PALLD: variants seen among roughly 807,000 people sequenced by gnomAD.
PALLD encodes palladin, cytoskeletal associated protein.
Under a neutral mutation model 123.5 loss-of-function variants are expected in PALLD, and 61 were observed. That is an observed-to-expected ratio of 0.49 (90% CI 0.40 to 0.61). PALLD has a LOEUF of 0.61. PALLD is among the 20% of genes least tolerant of loss of function. PALLD has a pLI of 0.00. For missense variants in PALLD, 1,273 were observed against 1,377.0 expected, an observed-to-expected ratio of 0.92 and a Z score of 1.20; for synonymous variants, 465 against 496.4, an observed-to-expected ratio of 0.94 and a Z score of 0.84.
intron 10 of PALLD, among the ~76,000 whole-genome samples, chr4:168,870,980 T>C (rs1356053482): frequency 6.6e-6 from 1 of 152,226 alleles, no homozygotes; most frequent in Non-Finnish European, 1.5e-5. Flanking sequence ...CAGATATTTA[T>C]TGAGTGGCTT....
At position 168,682,528 on chromosome 4, in the gene PALLD, A is replaced by G. The variant is rs111643592; in HGVS notation, c.1155-470A>G. 1.4e-4 allele frequency among the ~76,000 whole-genome samples: 21 copies of G among 152,344 alleles called. 2 individuals are homozygous for G. The highest frequency in any genetic ancestry group is 4.8e-4 in the African/African-American group (20 of 41,574). On this transcript the variant is annotated intron_variant, in intron 4 of 21. Coordinates refer to ENST00000505667, the MANE Select transcript of PALLD (RefSeq NM_001166108.2). ...AACACAAAAATTCCAAGATACCGAC[A>G]ACAAAATTAGAAACCAGAAAAAAGA...
intron 10 of PALLD, chr4:168,832,249 G>A: frequency 5.3e-6 from 5 of 951,442 alleles, no homozygotes; most frequent in Non-Finnish European, 6.3e-6. Context: ...AGGGTGGGCC[G>A]CGAGTCGGGA....
intron 10 of PALLD, among the ~76,000 whole-genome samples, chr4:168,839,422 A>G (rs570524898): frequency 2.0e-5 from 3 of 152,252 alleles, no homozygotes; most frequent in South Asian, 2.1e-4. Flanking sequence ...TAGGTAGTCA[A>G]TGGGAAACGG....
Position 168,878,240 on chromosome 4 carries a change from C to T in PALLD, c.1965-12682C>T, listed in dbSNP as rs1238999985. 5 of 1,521,972 alleles carry T rather than the reference C, an allele frequency of 3.3e-6. No homozygotes were observed. The highest frequency in any genetic ancestry group is 2.6e-6 in the Non-Finnish European group (3 of 1,142,116). The allele number at this position is 1,521,972 out of a possible 1,614,324, so 94.3% of individuals were successfully genotyped here. A position where few individuals can be genotyped will look rare whatever the true frequency, so the allele number is the denominator to read the frequency against. ...CCCACTGCCGCCGCCACCACCGCCG[C>T]TCCCGAGCCCGGGACAGGCGTCCCA... is the stretch of plus-strand genomic sequence containing the variant. On this transcript the variant is annotated intron_variant, in intron 10 of 21. Transcript: ENST00000505667.
At chr4:168,842,358 A>G (rs1312811193) in intron 10 of PALLD, among the ~76,000 whole-genome samples, 1 of 152,268 alleles carries the variant, frequency 6.6e-6, no homozygotes, top group Admixed American at 6.5e-5. Context: ...CTGACTGAAC[A>G]TATGGATCAT....
intron 6 of PALLD, among the ~76,000 whole-genome samples, 174 bp downstream of exon 6, chr4:168,685,733 A>G (rs1377242714): frequency 6.7e-6 from 1 of 148,890 alleles, no homozygotes; most frequent in African/African-American, 2.5e-5. Context: ...TGTGACTGTA[A>G]TCTTGTGATG....
chr4:168,719,252 C>CTT (rs869040811), intron 10 of PALLD, among the ~76,000 whole-genome samples: 29,155 of 85,430 alleles, frequency 0.34, 5,485 homozygotes, highest in Non-Finnish European at 0.41. Flanking sequence ...AAGTAATCTT[C>CTT]TTTTTTTTTT....
At chr4:168,822,740 A>C (rs946135795) in intron 10 of PALLD, among the ~76,000 whole-genome samples, 4 of 152,252 alleles carry the variant, frequency 2.6e-5, no homozygotes, top group Non-Finnish European at 5.9e-5. Flanking sequence ...AAATGTCCAG[A>C]TGAATGAACA....
At chr4:168,811,865 G>A (rs553116375) in intron 10 of PALLD, among the ~76,000 whole-genome samples, 1 of 151,842 alleles carries the variant, frequency 6.6e-6, no homozygotes, top group East Asian at 1.9e-4. Context: ...CTTCTGTTCA[G>A]CGTTGGATAT....
chr4:168,530,185 AT>A (rs1349189860), intron 2 of PALLD, among the ~76,000 whole-genome samples: 1 of 152,250 alleles, frequency 6.6e-6, no homozygotes, highest in Non-Finnish European at 1.5e-5. Flanking sequence ...ATAAAGGAAG[AT>A]AGTTAAGATC....
chr4:168,549,748 C>T (rs2037052149), intron 2 of PALLD, among the ~76,000 whole-genome samples: 1 of 150,802 alleles, frequency 6.6e-6, no homozygotes, highest in African/African-American at 2.4e-5. Context: ...ATTAGACATT[C>T]ATGGGCAATA....
At chr4:168,685,730 G>A (rs10021155) in intron 6 of PALLD, among the ~76,000 whole-genome samples, 171 bp downstream of exon 6, 4,467 of 140,506 alleles carry the variant, frequency 0.032, 218 homozygotes, top group African/African-American at 0.11. Flanking sequence ...CCGTGTGACT[G>A]TAATCTTGTG....
rs1475146068 is a variant in PALLD, at chr4:168,832,346, C to T, written c.1965-58576C>T. Among the ~76,000 whole-genome samples, 6 of 152,006 alleles carry T rather than the reference C, an allele frequency of 3.9e-5. No homozygotes were observed. In the East Asian group the frequency reaches 1.2e-3, roughly 29 times the overall value. On this transcript the variant is annotated intron_variant, in intron 10 of 21. Transcript: ENST00000505667. The stretch of plus-strand genomic sequence containing the variant: ...CCCGGCCGGTTCCTTCCCGAGCCCT[C>T]TCCCTCCCCCGGCCCGCGGGAGCAC...
intron 10 of PALLD, among the ~76,000 whole-genome samples, chr4:168,819,907 C>T (rs990557596): frequency 1.6e-4 from 24 of 152,188 alleles, no homozygotes; most frequent in African/African-American, 5.3e-4. Flanking sequence ...CGAAGTGAAT[C>T]GTGCAGGGTC....
At chr4:168,540,393 TCTTTCTGTTTC>T (rs1276542144) in intron 2 of PALLD, among the ~76,000 whole-genome samples, 1 of 152,202 alleles carries the variant, frequency 6.6e-6, no homozygotes, top group Non-Finnish European at 1.5e-5. Context: ...TCTCTAGGCT[TCTTTCTGTTTC>T]CGAAACACAA....
intron 2 of PALLD, among the ~76,000 whole-genome samples, chr4:168,526,572 G>C (rs369920377): frequency 6.6e-6 from 1 of 152,000 alleles, no homozygotes; most frequent in Non-Finnish European, 1.5e-5. Flanking sequence ...GGAGGTCTTC[G>C]TATCCTCAGG....
At chr4:168,896,966 G>A (rs1192796763) in intron 13 of PALLD, among the ~76,000 whole-genome samples, 3 of 152,078 alleles carry the variant, frequency 2.0e-5, no homozygotes, top group Non-Finnish European at 4.4e-5. Flanking sequence ...CAAGTAGCTG[G>A]GATTACAAGT....
chr4:168,889,138 T>TTGTGTGTGTGTGTGTGTGTG (rs143065658), intron 10 of PALLD, among the ~76,000 whole-genome samples: 36 of 132,250 alleles, frequency 2.7e-4, no homozygotes, highest in South Asian at 4.9e-4. Context: ...TTGCTTTATT[T>TTGTGTGTGTGTGTGTGTGTG]TGTGTGTGTG....
chr4:168,598,764 T>A, intron 2 of PALLD: 1 of 395,408 alleles, frequency 2.5e-6, no homozygotes, highest in Non-Finnish European at 5.2e-6. Context: ...ACTTTCTTGA[T>A]TCACACTGTT....
Sources: gnomAD v4.1 joint callset for allele counts (sites outside exome capture counted in the v4.1 genomes callset) on GRCh38, gnomAD v4.1.1 for gene constraint, MANE v1.5 for transcripts, NCBI Gene and HGNC (gene_info 2026-07-23, HGNC 2026-07-21) for gene names.